The following PRDM16 variants were observed in gnomAD, a reference collection of about 807,000 sequenced individuals.
The protein encoded by PRDM16 is histone-lysine N-methyltransferase PRDM16.
In PRDM16, 23 loss-of-function variants were observed where a neutral mutation model predicts 110.6. The observed-to-expected ratio is 0.21, with a 90% confidence interval of 0.15 to 0.29. The LOEUF (loss-of-function observed/expected upper bound fraction) is 0.29, where lower values mean the gene tolerates loss of function less well. PRDM16 is among the 10% of genes least tolerant of loss of function. PRDM16 has a pLI of 1.00. For synonymous variants in PRDM16, 799 were observed against 781.8 expected (o/e 1.02, Z -0.37); for missense variants, 1,615 against 1,794.3 (o/e 0.90, Z 1.81).
chr1:3,119,964 G>A (rs1244955927), intron 1 of PRDM16, among the ~76,000 whole-genome samples: 1 of 152,154 alleles, frequency 6.6e-6, no homozygotes, highest in Non-Finnish European at 1.5e-5. Context: ...AGGGGGGAGA[G>A]AGGAAGCAGC....
intron 8 of PRDM16, 86 bp downstream of exon 8, chr1:3,405,734 C>A: frequency 2.2e-6 from 3 of 1,369,552 alleles, no homozygotes; most frequent in Non-Finnish European, 2.0e-6. Context: ...CCCCCAAGGT[C>A]TCCCCCGATC....
chr1:3,342,988 C>T (rs1642300608), intron 3 of PRDM16, among the ~76,000 whole-genome samples: 1 of 152,036 alleles, frequency 6.6e-6, no homozygotes, highest in South Asian at 2.1e-4. Flanking sequence ...CTTAAGTTTT[C>T]AACTCATTTC....
intron 1 of PRDM16, among the ~76,000 whole-genome samples, chr1:3,170,013 G>A (rs1447278317): frequency 6.6e-6 from 1 of 152,230 alleles, no homozygotes; most frequent in African/African-American, 2.4e-5. Flanking sequence ...GTCAAATATT[G>A]TCACAGGGAA....
intron 1 of PRDM16, among the ~76,000 whole-genome samples, chr1:3,085,812 G>C (rs1361306414): frequency 6.6e-6 from 1 of 152,234 alleles, no homozygotes; most frequent in African/African-American, 2.4e-5. Flanking sequence ...AGCCAGGACT[G>C]CCTCCTACCA....
At chr1:3,275,584 C>T (rs1255583392) in intron 3 of PRDM16, among the ~76,000 whole-genome samples, 2 of 152,296 alleles carry the variant, frequency 1.3e-5, no homozygotes, top group Middle Eastern at 3.4e-3. Flanking sequence ...CAGCACTCCT[C>T]GGTGGGGGCA....
intron 3 of PRDM16, among the ~76,000 whole-genome samples, chr1:3,312,092 C>T (rs540180301): frequency 1.2e-4 from 18 of 152,290 alleles, no homozygotes; most frequent in African/African-American, 4.3e-4. Flanking sequence ...CTCCCCCATG[C>T]GACACCCTGC....
intron 2 of PRDM16, among the ~76,000 whole-genome samples, chr1:3,215,826 G>A (rs549922331): frequency 3.3e-5 from 5 of 152,268 alleles, no homozygotes; most frequent in African/African-American, 9.6e-5. Context: ...GTCAAGGCGC[G>A]GCGTCGGCAA....
chr1:3,343,596 T>C (rs1385596636), intron 3 of PRDM16, among the ~76,000 whole-genome samples: 1 of 152,042 alleles, frequency 6.6e-6, no homozygotes, highest in Non-Finnish European at 1.5e-5. Context: ...CACATATCGC[T>C]CAGGCTCTTT....
At chr1:3,179,649 G>T (rs78085061) in intron 1 of PRDM16, among the ~76,000 whole-genome samples, 3 of 152,218 alleles carry the variant, frequency 2.0e-5, no homozygotes, top group Non-Finnish European at 2.9e-5. Flanking sequence ...CAGCAGGCCC[G>T]CATGGCACCG....
At chr1:3,114,141 C>T (rs1158774102) in intron 1 of PRDM16, among the ~76,000 whole-genome samples, 1 of 151,946 alleles carries the variant, frequency 6.6e-6, no homozygotes, top group African/African-American at 2.4e-5. Context: ...TATCTCTGCA[C>T]ACTGCACACA....
intron 3 of PRDM16, among the ~76,000 whole-genome samples, chr1:3,330,675 A>G (rs1215845546): frequency 6.6e-6 from 1 of 152,244 alleles, no homozygotes; most frequent in Non-Finnish European, 1.5e-5. Context: ...CCCACTTGCC[A>G]GTCCAATGGC....
chr1:3,211,745 T>A (rs1638888052), intron 2 of PRDM16, among the ~76,000 whole-genome samples: 1 of 152,164 alleles, frequency 6.6e-6, no homozygotes, highest in African/African-American at 2.4e-5. Flanking sequence ...CAGAGGAGAA[T>A]AAATGTGCAC....
rs201885280 is a variant in PRDM16, at chr1:3,225,669, G to GA, written c.388-18409dup. On this transcript the variant is annotated intron_variant, in intron 2 of 16. Coordinates refer to ENST00000270722, the MANE Select transcript of PRDM16 (RefSeq NM_022114.4). ...CTAACTTATTTTGGCGTGGAATGGGGAAAAAAAAACACATGAGAATCCTAC... is the reference window on the plus strand; with the variant it reads ...CTAACTTATTTTGGCGTGGAATGGGGAAAAAAAAAACACATGAGAATCCTAC... Among the ~76,000 whole-genome samples, 91 of 150,096 alleles carry GA rather than the reference G, an allele frequency of 6.1e-4. No individual in the cohort carries two copies. In the Middle Eastern group the frequency reaches 0.014, roughly 22 times the overall value.
rs939961217 is a variant in PRDM16, at chr1:3,267,940, C to G, written c.438+23803C>G. Reference sequence around the variant, plus strand: ...AGGTGGAAACCCTGAGGAGTCCGCCCTGTTGTTTTGGCTTTGTTGTGACAG... The same window carrying G: ...AGGTGGAAACCCTGAGGAGTCCGCCGTGTTGTTTTGGCTTTGTTGTGACAG... On this transcript the variant is annotated intron_variant, in intron 3 of 16. Transcript: ENST00000270722. Among the ~76,000 whole-genome samples, 76 of 152,330 alleles carry G rather than the reference C, an allele frequency of 5.0e-4. 1 individual carries two copies. The highest frequency in any genetic ancestry group is 1.3e-4 in the Non-Finnish European group (9 of 68,028).
At chr1:3,419,850 G>T (rs1411714147) in intron 12 of PRDM16, among the ~76,000 whole-genome samples, 1 of 151,836 alleles carries the variant, frequency 6.6e-6, no homozygotes, top group Admixed American at 6.6e-5. Context: ...GTCCCAACTC[G>T]CAGGGTAAAT....
chr1:3,226,339 G>A (rs765985584), intron 2 of PRDM16, among the ~76,000 whole-genome samples: 8 of 152,196 alleles, frequency 5.3e-5, no homozygotes, highest in Non-Finnish European at 1.2e-4. Context: ...CCTGAGTGCC[G>A]CTCTTCATTT....
At chr1:3,112,252 G>A (rs1005113217) in intron 1 of PRDM16, among the ~76,000 whole-genome samples, 5 of 152,188 alleles carry the variant, frequency 3.3e-5, no homozygotes, top group African/African-American at 1.2e-4. Context: ...TTTCACCCGT[G>A]GTGACAAAAG....
intron 1 of PRDM16, among the ~76,000 whole-genome samples, chr1:3,129,541 C>T (rs1246349865): frequency 6.6e-6 from 1 of 152,094 alleles, no homozygotes; most frequent in African/African-American, 2.4e-5. Context: ...CTGAGGGCAC[C>T]TGGGAAAGGA....
rs267598556 is a variant in PRDM16, at chr1:3,402,793, G to A, written c.679G>A (p.Glu227Lys). 1.9e-6 allele frequency: 3 copies of A among 1,610,280 alleles called. No homozygotes were observed. Among genetic ancestry groups the A allele is most frequent in the Non-Finnish European group, 2.5e-6 (3 of 1,177,698 alleles). ...LGTVPPGLDEEPTFRCDECDE... is the reference protein window; with the variant it reads ...LGTVPPGLDEKPTFRCDECDE... ...CCACCTCGTTCTCTCTCTTGCAGAG[G>A]AGCCCACGTTCCGCTGTGACGAGTG... is the stretch of plus-strand genomic sequence containing the variant. The change falls in exon 6 of 17, where the codon GAG becomes AAG. Residue 227 changes from glutamate to lysine, a missense_variant and splice_region_variant. Around this residue, in one of 5 missense-constraint regions of PRDM16, gnomAD observed 416 missense variants for 467.1 expected, o/e 0.89. Coordinates refer to ENST00000270722, the MANE Select transcript of PRDM16 (RefSeq NM_022114.4).
Sources: allele counts gnomAD v4.1 joint callset (sites outside exome capture counted in the v4.1 genomes callset), GRCh38; gene constraint gnomAD v4.1.1; regional missense constraint gnomAD v4.1.1; transcripts MANE v1.5; gene names NCBI Gene and HGNC (gene_info 2026-07-23, HGNC 2026-07-21).